COMMD1: variants seen among roughly 807,000 people sequenced by gnomAD.
The protein encoded by COMMD1 is COMM domain-containing protein 1.
COMMD1 carries 10 observed loss-of-function variants against 17.2 expected under a neutral mutation model. The ratio of observed to expected loss-of-function variants is 0.58; its 90% CI spans 0.36 to 0.99. The LOEUF is 0.99. COMMD1 is among the 50% of genes least tolerant of loss of function. COMMD1 has a pLI of 0.01. For missense variants in COMMD1, 270 were observed against 231.8 expected, an observed-to-expected ratio of 1.17 and a Z score of -1.07; for synonymous variants, 97 against 91.6, an observed-to-expected ratio of 1.06 and a Z score of -0.34.
intron 2 of COMMD1, among the ~76,000 whole-genome samples, chr2:62,086,370 G>A (rs1406291407): frequency 6.6e-6 from 1 of 151,932 alleles, no homozygotes; most frequent in African/African-American, 2.4e-5. Flanking sequence ...AATTAGCCAG[G>A]CCTGGCGGCG....
At chr2:62,104,153 T>C (rs775563172) in intron 2 of COMMD1, among the ~76,000 whole-genome samples, 3 of 152,182 alleles carry the variant, frequency 2.0e-5, no homozygotes, top group Non-Finnish European at 2.9e-5. Context: ...AGAATTCTTT[T>C]TGATGAAGCT....
chr2:62,016,566 GT>G (rs952198995), intron 2 of COMMD1, among the ~76,000 whole-genome samples: 1 of 133,296 alleles, frequency 7.5e-6, no homozygotes, highest in Non-Finnish European at 1.6e-5. Context: ...CACTTTTATT[GT>G]TTTTTTTGTT....
At chr2:62,015,695 GT>G (rs1175789686) in intron 2 of COMMD1, among the ~76,000 whole-genome samples, 2,006 of 127,198 alleles carry the variant, frequency 0.016, 39 homozygotes, top group African/African-American at 0.05. Flanking sequence ...TAGTTTCTGG[GT>G]TTTTTTTTTT....
chr2:61,928,590 A>G (rs1362451239), intron 1 of COMMD1: 1 of 152,188 alleles, frequency 6.6e-6, no homozygotes, highest in Non-Finnish European at 1.5e-5. Flanking sequence ...GCTACCCCAA[A>G]ATGTTGTACC....
At chr2:61,917,422 T>C (rs1313642827) in intron 1 of COMMD1, among the ~76,000 whole-genome samples, 5 of 151,978 alleles carry the variant, frequency 3.3e-5, no homozygotes, top group African/African-American at 9.7e-5. Context: ...TATGCGTTAG[T>C]GATGAGTTTT....
intron 2 of COMMD1, among the ~76,000 whole-genome samples, chr2:62,133,850 G>T (rs1329620668): frequency 2.6e-5 from 4 of 152,134 alleles, no homozygotes; most frequent in South Asian, 4.2e-4. Context: ...TTGAGACAAG[G>T]TCTCACCAAG....
intron 2 of COMMD1, among the ~76,000 whole-genome samples, chr2:62,019,116 C>T (rs1406590740): frequency 2.4e-5 from 3 of 127,178 alleles, no homozygotes; most frequent in Non-Finnish European, 5.0e-5. Flanking sequence ...TCCCTCCCTC[C>T]CTCCCTCCCT....
intron 1 of COMMD1, among the ~76,000 whole-genome samples, chr2:61,927,563 AT>A (rs1217700848): frequency 6.6e-6 from 1 of 151,608 alleles, no homozygotes. Context: ...TGCCCGGCTA[AT>A]TTTTTTTGTA....
chr2:61,932,818 G>T (rs1670503607), intron 1 of COMMD1, among the ~76,000 whole-genome samples: 1 of 152,180 alleles, frequency 6.6e-6, no homozygotes, highest in Non-Finnish European at 1.5e-5. Context: ...ATCCTCTCTG[G>T]CAGGAGTAGG....
chr2:62,132,442 TG>T (rs1673066393), intron 2 of COMMD1, among the ~76,000 whole-genome samples: 1 of 152,226 alleles, frequency 6.6e-6, no homozygotes, highest in African/African-American at 2.4e-5. Flanking sequence ...TTACTTTCAC[TG>T]AGGTGAAATA....
chr2:61,946,687 T>G (rs1411315305), intron 1 of COMMD1, among the ~76,000 whole-genome samples: 1 of 152,200 alleles, frequency 6.6e-6, no homozygotes, highest in Non-Finnish European at 1.5e-5. Flanking sequence ...ATATTAAAGC[T>G]TATTTTAAAA....
intron 2 of COMMD1, among the ~76,000 whole-genome samples, chr2:62,088,070 T>G (rs1671719755): frequency 6.6e-6 from 1 of 152,230 alleles, no homozygotes; most frequent in Non-Finnish European, 1.5e-5. Context: ...TTCACTTACA[T>G]TTGAAACTTT....
At chr2:61,888,610 C>T (rs902623859), upstream of COMMD1, 4 of 1,375,686 alleles carry the variant, frequency 2.9e-6, no homozygotes, top group East Asian at 5.1e-5. Flanking sequence ...CTTCACGAAC[C>T]TTCCAGAAAG....
chr2:62,047,142 A>G (rs562837040), intron 2 of COMMD1, among the ~76,000 whole-genome samples: 24 of 152,296 alleles, frequency 1.6e-4, no homozygotes, highest in African/African-American at 5.3e-4. Context: ...GTACTTTACA[A>G]TTTATGAGCA....
At chr2:62,066,849 C>T (rs1318026555) in intron 2 of COMMD1, among the ~76,000 whole-genome samples, 1 of 151,582 alleles carries the variant, frequency 6.6e-6, no homozygotes, top group Non-Finnish European at 1.5e-5. Flanking sequence ...CCTCAGCCTC[C>T]CGAGTAGTTG....
intron 2 of COMMD1, among the ~76,000 whole-genome samples, chr2:62,130,154 C>CAAA (rs531499822): frequency 1.0e-4 from 9 of 89,410 alleles, no homozygotes; most frequent in African/African-American, 2.9e-4. Context: ...GACTCTGTCT[C>CAAA]AAAAAAAAAA....
At chr2:62,059,146 T>C (rs1407687316) in intron 2 of COMMD1, among the ~76,000 whole-genome samples, 1 of 152,166 alleles carries the variant, frequency 6.6e-6, no homozygotes, top group Non-Finnish European at 1.5e-5. Context: ...GTTTTTCTGA[T>C]AAGTTATCTG....
intron 2 of COMMD1, among the ~76,000 whole-genome samples, chr2:62,010,514 C>T (rs1669248478): frequency 6.6e-6 from 1 of 152,154 alleles, no homozygotes; most frequent in African/African-American, 2.4e-5. Context: ...CCCTAAATTT[C>T]AGATACATAT....
chr2:62,095,047 G>T (rs1397758180), intron 2 of COMMD1, among the ~76,000 whole-genome samples: 1 of 152,144 alleles, frequency 6.6e-6, no homozygotes, highest in Non-Finnish European at 1.5e-5. Flanking sequence ...TAGCCTTTCG[G>T]AACTAATTTC....
Sources: allele counts gnomAD v4.1 joint callset (sites outside exome capture counted in the v4.1 genomes callset), GRCh38; gene constraint gnomAD v4.1.1; transcripts MANE v1.5; gene names NCBI Gene and HGNC (gene_info 2026-07-23, HGNC 2026-07-21).